The following DCLK3 variants were observed in gnomAD, a reference collection of about 807,000 sequenced individuals.
DCLK3 encodes doublecortin like kinase 3.
Under a neutral mutation model 46.4 loss-of-function variants are expected in DCLK3, and 30 were observed. The observed-to-expected ratio is 0.65, with a 90% CI of 0.48 to 0.88. The LOEUF (loss-of-function observed/expected upper bound fraction) is 0.88, where lower values mean the gene tolerates loss of function less well. Ranked by LOEUF, DCLK3 falls within the 40% of genes least tolerant of loss-of-function variation. The probability of loss-of-function intolerance (pLI) is 0.00; values close to 1 mark genes in which losing one functional copy is unlikely to be tolerated. For synonymous variants in DCLK3, 401 were observed against 339.2 expected, an observed-to-expected ratio of 1.18 and a Z score of -2.00; for missense variants, 846 against 907.1, an observed-to-expected ratio of 0.93 and a Z score of 0.87.
At chr3:36,720,895 G>A (rs1186963883) in intron 3 of DCLK3, among the ~76,000 whole-genome samples, 2 of 152,162 alleles carry the variant, frequency 1.3e-5, no homozygotes, top group African/African-American at 2.4e-5. Flanking sequence ...GCAACCCAAT[G>A]AGAGTCTTCC....
chr3:36,720,050 A>G (rs1482568534), intron 3 of DCLK3, among the ~76,000 whole-genome samples: 1 of 152,180 alleles, frequency 6.6e-6, no homozygotes, highest in East Asian at 1.9e-4. Flanking sequence ...TGTGATTCCC[A>G]ATGTTGGAGG....
chr3:36,729,208 G>A (rs1701161494), intron 2 of DCLK3, among the ~76,000 whole-genome samples: 1 of 145,966 alleles, frequency 6.9e-6, no homozygotes, highest in Non-Finnish European at 1.5e-5. Flanking sequence ...GTCCCTGCCT[G>A]AGAAAACCTT....
chr3:36,756,759 T>C (rs1452490580), intron 1 of DCLK3, among the ~76,000 whole-genome samples: 1 of 151,970 alleles, frequency 6.6e-6, no homozygotes, highest in African/African-American at 2.4e-5. Flanking sequence ...GTATGGAAAC[T>C]GCTGTTAGGG....
At chr3:36,763,003 T>C (rs1701552747) in intron 1 of DCLK3, among the ~76,000 whole-genome samples, 1 of 152,106 alleles carries the variant, frequency 6.6e-6, no homozygotes, top group Non-Finnish European at 1.5e-5. Flanking sequence ...ATAAGCACAA[T>C]GCTTGCCTAT....
intron 2 of DCLK3, among the ~76,000 whole-genome samples, chr3:36,724,993 G>A (rs1701107597): frequency 6.8e-6 from 1 of 148,038 alleles, no homozygotes; most frequent in South Asian, 2.2e-4. Context: ...TTACTCATCT[G>A]AGCCTCTGTT....
In DCLK3 at chr3:36,737,698, A is replaced by G. The variant is rs777960276; in HGVS notation, c.1469T>C (p.Leu490Pro). The change falls in exon 2 of 5, where the codon CTA (leucine) becomes CCA (proline). Residue 490 changes from leucine to proline, a missense_variant. Transcript: ENST00000636136. This position sits in a 1 kb window ranked among gnomAD's most constrained non-coding sequence, Gnocchi z 4.4. ...TGGCCTCGTCTTGGGCTCCTTTTCT[A>G]GCTTTGCAGGTTGGTCATCTCTGAG... is the stretch of plus-strand genomic sequence containing the variant. ...MTLRDDQPAK[L>P]EKEPKTRPEE... 1.9e-6 allele frequency: 3 copies of G among 1,613,660 alleles called. No homozygotes were observed. In the East Asian group the frequency reaches 6.7e-5, roughly 36 times the overall value.
Position 36,764,003 on chromosome 3 carries a change from CACACACAT to C in DCLK3, c.82+171_82+178del, listed in dbSNP as rs1701561887. On this transcript the variant is annotated intron_variant, in intron 1 of 4. Coordinates refer to ENST00000636136, the MANE Select transcript of DCLK3 (RefSeq NM_001394672.2). This position sits in a 1 kb window ranked among gnomAD's most constrained non-coding sequence, Gnocchi z 4.9. ...ACGCGCGCGCGTTTACACACACGTACACACACATACACACGTACACACACATACACACA... is the reference window on the plus strand; with the variant it reads ...ACGCGCGCGCGTTTACACACACGTACACACACGTACACACACATACACACA... Among the ~76,000 whole-genome samples, 3 of 152,096 alleles carry C rather than the reference CACACACAT, an allele frequency of 2.0e-5. No individual in the cohort carries two copies. Among genetic ancestry groups the C allele is most frequent in the African/African-American group, 7.2e-5 (3 of 41,452 alleles).
Position 36,757,877 on chromosome 3 carries a change from A to G in DCLK3, c.82+6305T>C, listed in dbSNP as rs28541512. Among the ~76,000 whole-genome samples the G allele has an allele frequency of 9.9e-3, 1,497 of 151,826 alleles. 19 individuals are homozygous for G. The highest frequency in any genetic ancestry group is 0.034 in the African/African-American group (1,417 of 41,360). ...CCCCTCCCACATCGCAGTCAACCTC[A>G]AAGTCCTGTGGATTCCAGCTCCTGC... On this transcript the variant is annotated intron_variant, in intron 1 of 4. Transcript: ENST00000636136.
intron 1 of DCLK3, among the ~76,000 whole-genome samples, chr3:36,754,037 G>C (rs377118347): frequency 6.6e-6 from 1 of 152,130 alleles, no homozygotes; most frequent in East Asian, 1.9e-4. Context: ...GTTACAGAAT[G>C]TCTTTGGAAA....
chr3:36,730,389 T>A (rs936480557), intron 2 of DCLK3, among the ~76,000 whole-genome samples: 1 of 152,220 alleles, frequency 6.6e-6, no homozygotes, highest in Non-Finnish European at 1.5e-5. Flanking sequence ...AATCTCATGT[T>A]CATTCAACAA....
chr3:36,759,454 CTTGGCTATCAATTGACCTGTGAGGG>C (rs1701518808), intron 1 of DCLK3, among the ~76,000 whole-genome samples: 1 of 152,228 alleles, frequency 6.6e-6, no homozygotes, highest in Non-Finnish European at 1.5e-5. Context: ...GCTCTGTCTA[CTTGGCTATCAATTGACCTGTGAGGG>C]ACACACATTG....
Position 36,713,332 on chromosome 3 carries a change from A to G in DCLK3, c.*1996T>C, listed in dbSNP as rs1559384638. 1 of 152,254 alleles carries G rather than the reference A, an allele frequency of 6.6e-6. No individual in the cohort carries two copies. The highest frequency in any genetic ancestry group is 1.5e-5 in the Non-Finnish European group (1 of 68,050). The allele number at this position is 152,254 out of a possible 1,614,324, so 9.4% of individuals were successfully genotyped here. On this transcript the variant is annotated 3_prime_UTR_variant, in exon 5 of 5. Coordinates refer to ENST00000636136, the MANE Select transcript of DCLK3 (RefSeq NM_001394672.2). ...AAATTATTCAAAGAGAAAGTGGTCAATAGGGTCAAGTGATGCTAATTTGAG... is the reference window on the plus strand; with the variant it reads ...AAATTATTCAAAGAGAAAGTGGTCAGTAGGGTCAAGTGATGCTAATTTGAG...
rs1182217693 is a variant in DCLK3 at position 36,715,428 on chromosome 3, G to C, written c.2354C>G (p.Ala785Gly). The C allele has an allele frequency of 6.2e-7, 1 of 1,613,596 alleles. No individual in the cohort carries two copies. Among genetic ancestry groups the C allele is most frequent in the Non-Finnish European group, 8.5e-7 (1 of 1,179,852 alleles). The part of the protein sequence containing the change: ...QVLQHPWIET[A>G]GKTNTVKRQK... Reference sequence around the variant, plus strand: ...TCGTTTCACTGTATTGGTCTTGCCAGCTGTTTCGATCCAGGGGTGCTGAAG... The same window carrying C: ...TCGTTTCACTGTATTGGTCTTGCCACCTGTTTCGATCCAGGGGTGCTGAAG... Residue 785 changes from alanine to glycine, a missense_variant, in exon 5 of 5, where the codon GCT (alanine) becomes GGT (glycine). Ala to Gly is a moderately conservative substitution (Grantham distance 60, BLOSUM62 0). This residue lies in a region of DCLK3 where 46 missense variants were observed against 41.3 expected (regional missense o/e 1.11). Coordinates refer to ENST00000636136, the MANE Select transcript of DCLK3 (RefSeq NM_001394672.2).
At chr3:36,761,183 C>T (rs916559630) in intron 1 of DCLK3, among the ~76,000 whole-genome samples, 5 of 152,222 alleles carry the variant, frequency 3.3e-5, no homozygotes, top group Non-Finnish European at 5.9e-5. Context: ...CCTCTACATA[C>T]ACCACTGTCC....
intron 2 of DCLK3, among the ~76,000 whole-genome samples, chr3:36,725,661 G>A (rs1459104752): frequency 6.6e-6 from 1 of 152,180 alleles, no homozygotes; most frequent in African/African-American, 2.4e-5. Context: ...CCAGCAAATA[G>A]GCTTATGTCA....
At position 36,738,602 on chromosome 3, in the gene DCLK3, G is replaced by T; in HGVS notation, c.565C>A (p.Pro189Thr). Residue 189 changes from proline to threonine, a missense_variant, in exon 2 of 5, where the codon CCC (proline) becomes ACC (threonine). Around this residue, in one of 3 missense-constraint regions of DCLK3, gnomAD observed 553 missense variants for 543.0 expected, o/e 1.02. Transcript: ENST00000636136. ...AGTGTCAGGGCCCGGGCTTTGTTGG[G>T]GTACAGTTCTTCTACAGCCACCTGA... is the stretch of plus-strand genomic sequence containing the variant. Reference protein sequence around the residue: ...SIQVAVEELYPNKARALTLAQ... With the variant: ...SIQVAVEELYTNKARALTLAQ... 1 of 1,385,082 alleles carries T rather than the reference G, an allele frequency of 7.2e-7. No individual in the cohort carries two copies. Among genetic ancestry groups the T allele is most frequent in the Non-Finnish European group, 9.4e-7 (1 of 1,064,650 alleles). 85.8% of individuals were successfully genotyped at this position (1,385,082 alleles called of 1,614,324 possible).
chr3:36,718,868 A>G (rs1029293792), intron 3 of DCLK3, among the ~76,000 whole-genome samples: 2 of 152,340 alleles, frequency 1.3e-5, no homozygotes, highest in African/African-American at 4.8e-5. Context: ...AGAGACATGT[A>G]TACTTTTCTA....
chr3:36,723,592 G>T (rs1279986571), intron 2 of DCLK3, among the ~76,000 whole-genome samples: 1 of 152,174 alleles, frequency 6.6e-6, no homozygotes, highest in East Asian at 1.9e-4. Context: ...TTGGTACCCT[G>T]CCTCCCAGCC....
In DCLK3 at chr3:36,738,208, C is replaced by A; in HGVS notation, c.959G>T (p.Ser320Ile). ...CAGAGAAAGCCTCTCACGCTCCAGGCTCTGCTGGAGCTCCCTCTCTCTCTT... is the reference window on the plus strand; with the variant it reads ...CAGAGAAAGCCTCTCACGCTCCAGGATCTGCTGGAGCTCCCTCTCTCTCTT... ...KCKRERELQQ[S>I]LERERLSLGT... The change falls in exon 2 of 5, where the codon AGC becomes ATC. Residue 320 changes from serine (S) to isoleucine (I), a missense_variant. Physicochemically the swap from Ser to Ile is moderately radical, Grantham distance 142 (BLOSUM62 -2). Around this residue, in one of 3 missense-constraint regions of DCLK3, gnomAD observed 553 missense variants for 543.0 expected, o/e 1.02. Transcript: ENST00000636136. 1 of 1,610,412 alleles carries A rather than the reference C, an allele frequency of 6.2e-7. No individual in the cohort carries two copies. Among genetic ancestry groups the A allele is most frequent in the Non-Finnish European group, 8.5e-7 (1 of 1,178,932 alleles).
Sources: gnomAD v4.1 joint callset for allele counts (sites outside exome capture counted in the v4.1 genomes callset) on GRCh38, gnomAD v4.1.1 for gene constraint, gnomAD v4.1.1 regional missense constraint, Gnocchi (gnomAD v3.1) non-coding constraint, MANE v1.5 for transcripts, NCBI Gene and HGNC (gene_info 2026-07-23, HGNC 2026-07-21) for gene names.